Variants in HOOK3 observed in about 807,000 individuals in gnomAD.
HOOK3 encodes the protein hook microtubule tethering protein 3.
HOOK3 carries 24 observed loss-of-function variants against 116.3 expected under a neutral mutation model. That is an observed-to-expected ratio of 0.21 (90% CI 0.15 to 0.29). The LOEUF (loss-of-function observed/expected upper bound fraction) is 0.29. Among genes scored for constraint, HOOK3 ranks in the 10% least tolerant of loss-of-function variants. The pLI is 1.00. For missense variants in HOOK3, 632 were observed against 830.2 expected (o/e 0.76, Z 2.93); for synonymous variants, 275 against 283.0 (o/e 0.97, Z 0.28).
intron 18 of HOOK3, among the ~76,000 whole-genome samples, 186 bp downstream of exon 18, chr8:43,008,115 T>A (rs1484703613): frequency 6.6e-6 from 1 of 152,004 alleles, no homozygotes; most frequent in Non-Finnish European, 1.5e-5. Flanking sequence ...GCCTTTTGGG[T>A]TCTTGCCATT....
intron 13 of HOOK3, among the ~76,000 whole-genome samples, chr8:42,975,237 C>T (rs1362962684): frequency 6.6e-6 from 1 of 152,154 alleles, no homozygotes. Flanking sequence ...CCTGTGTTCC[C>T]TTAAGGAGGA....
At position 42,981,053 on chromosome 8, in the gene HOOK3, AT is replaced by A. The variant is rs35139387; in HGVS notation, c.1322-1558del. Among the ~76,000 whole-genome samples the A allele has an allele frequency of 6.7e-3, 937 of 139,498 alleles. 5 individuals carry two copies. Among genetic ancestry groups the A allele is most frequent in the South Asian group, 9.8e-3 (42 of 4,302 alleles). 91.5% of individuals were successfully genotyped at this position (139,498 alleles called of 152,430 possible). On this transcript the variant is annotated intron_variant, in intron 13 of 21. Transcript: ENST00000307602. ...TCTGCCTCTAGAATTGTAAATAATAATTTTTTTTTTTTTTTTGAGATGAGGT... is the reference window on the plus strand; with the variant it reads ...TCTGCCTCTAGAATTGTAAATAATAATTTTTTTTTTTTTTTGAGATGAGGT...
At chr8:42,920,724 T>G (rs1204571982) in intron 2 of HOOK3, among the ~76,000 whole-genome samples, 3 of 152,212 alleles carry the variant, frequency 2.0e-5, no homozygotes, top group African/African-American at 7.2e-5. Flanking sequence ...CAAAAATGAT[T>G]GTACTGTCAA....
At chr8:42,984,551 A>G (rs1178941175) in intron 14 of HOOK3, among the ~76,000 whole-genome samples, 2 of 152,212 alleles carry the variant, frequency 1.3e-5, no homozygotes, top group Non-Finnish European at 2.9e-5. Flanking sequence ...GTTATGTCCA[A>G]AACAACTCAC....
At chr8:42,930,995 A>G (rs1423280732) in intron 4 of HOOK3, among the ~76,000 whole-genome samples, 2 of 152,224 alleles carry the variant, frequency 1.3e-5, no homozygotes. Flanking sequence ...TGATCACATC[A>G]GTCTCCTCCT....
intron 4 of HOOK3, among the ~76,000 whole-genome samples, chr8:42,930,414 T>A (rs1807851528): frequency 6.6e-6 from 1 of 152,196 alleles, no homozygotes; most frequent in Non-Finnish European, 1.5e-5. Context: ...CAAATTTTAC[T>A]TTATGTCATC....
At position 43,021,672 on chromosome 8, in the gene HOOK3, T is replaced by C; in HGVS notation, c.*3174T>C. The C allele has an allele frequency of 6.5e-6, 1 of 153,358 alleles. No homozygotes were observed. The highest frequency in any genetic ancestry group is 2.1e-4 in the South Asian group (1 of 4,656). 9.5% of individuals were successfully genotyped at this position (153,358 alleles called of 1,614,324 possible). On this transcript the variant is annotated 3_prime_UTR_variant, in exon 22 of 22. Transcript: ENST00000307602. ...TGTTTACATTTATAATTTTCTTTCT[T>C]TTTTTTTTTTTTGTGAGATGATGTC...
At chr8:43,014,158 T>C (rs1324245793) in intron 21 of HOOK3, among the ~76,000 whole-genome samples, 1 of 151,642 alleles carries the variant, frequency 6.6e-6, no homozygotes, top group Non-Finnish European at 1.5e-5. Flanking sequence ...TGGTGGCACA[T>C]GCTTGTAATC....
At chr8:42,988,737 C>A (rs1809096812) in intron 15 of HOOK3, among the ~76,000 whole-genome samples, 1 of 152,184 alleles carries the variant, frequency 6.6e-6, no homozygotes, top group Non-Finnish European at 1.5e-5. Flanking sequence ...TGAGGGAACT[C>A]AGACTCAAGA....
intron 17 of HOOK3, among the ~76,000 whole-genome samples, chr8:43,007,412 C>T (rs1046951596): frequency 2.0e-5 from 3 of 152,148 alleles, no homozygotes; most frequent in Admixed American, 6.6e-5. Flanking sequence ...ACATTGTTAC[C>T]GCTTTGACTT....
intron 15 of HOOK3, among the ~76,000 whole-genome samples, chr8:42,991,344 G>GATAGGGAT (rs1554514813): frequency 6.7e-6 from 1 of 148,600 alleles, no homozygotes; most frequent in Non-Finnish European, 1.5e-5. Context: ...TTGTTATTTT[G>GATAGGGAT]ATAGGGATTG....
chr8:42,967,275 A>G (rs190703030), intron 10 of HOOK3, among the ~76,000 whole-genome samples: 179 of 151,610 alleles, frequency 1.2e-3, no homozygotes, highest in African/African-American at 4.2e-3. Context: ...CCCTCCACAC[A>G]CACCTCCCAT....
At chr8:42,977,709 A>G (rs1388645989) in intron 13 of HOOK3, among the ~76,000 whole-genome samples, 3 of 152,072 alleles carry the variant, frequency 2.0e-5, no homozygotes, top group South Asian at 2.1e-4. Context: ...TCTACTAAAA[A>G]TAGAAAAATT....
intron 1 of HOOK3, among the ~76,000 whole-genome samples, chr8:42,903,504 C>T (rs1208897431): frequency 1.3e-5 from 2 of 150,092 alleles, no homozygotes; most frequent in African/African-American, 4.9e-5. Context: ...GCCACAGCGC[C>T]CGACTAATTT....
chr8:42,950,003 TG>T (rs1808310196), intron 5 of HOOK3, among the ~76,000 whole-genome samples: 1 of 152,170 alleles, frequency 6.6e-6, no homozygotes. Flanking sequence ...AAGTTTTTTT[TG>T]TTTAACTGCA....
rs1809998343 is a variant in HOOK3 at position 43,029,831 on chromosome 8, G to T, written c.*11333G>T. On this transcript the variant is annotated 3_prime_UTR_variant, in exon 22 of 22. Transcript: ENST00000307602. ...TGGAGCTGGAGTTGTATTGAGTACA[G>T]CCCCAACTCTGAAGCCTTATATTCA... is the stretch of plus-strand genomic sequence containing the variant. 4.7e-6 allele frequency: 1 copy of T among 212,588 alleles called. No homozygotes were observed. The highest frequency in any genetic ancestry group is 9.5e-6 in the Non-Finnish European group (1 of 105,180). 13.2% of individuals were successfully genotyped at this position (212,588 alleles called of 1,614,324 possible). A position where few individuals can be genotyped will look rare whatever the true frequency, so the allele number is the denominator to read the frequency against.
chr8:43,023,987 A>G lies in HOOK3; in HGVS notation c.*5489A>G, dbSNP rs544848909. On this transcript the variant is annotated 3_prime_UTR_variant, in exon 22 of 22. Coordinates refer to ENST00000307602, the MANE Select transcript of HOOK3 (RefSeq NM_032410.4). Reference sequence around the variant, plus strand: ...TTAACTCTGCATTTAGTCTCCTATTATCTAGATCTCTGAGTCCAGGATAAC... The same window carrying G: ...TTAACTCTGCATTTAGTCTCCTATTGTCTAGATCTCTGAGTCCAGGATAAC... 68 of 201,098 alleles carry G rather than the reference A, an allele frequency of 3.4e-4. No homozygotes were observed. Among genetic ancestry groups the G allele is most frequent in the Non-Finnish European group, 5.1e-4 (50 of 97,604 alleles). The allele number at this position is 201,098 out of a possible 1,614,324, so 12.5% of individuals were successfully genotyped here.
chr8:42,907,417 T>C (rs1305344908), intron 2 of HOOK3, among the ~76,000 whole-genome samples: 5 of 152,286 alleles, frequency 3.3e-5, no homozygotes, highest in Admixed American at 6.5e-5. Flanking sequence ...TTTTTCCAGA[T>C]ATATAGGCAC....
intron 2 of HOOK3, among the ~76,000 whole-genome samples, chr8:42,920,382 A>G (rs1034496196): frequency 1.3e-5 from 2 of 152,230 alleles, no homozygotes; most frequent in East Asian, 1.9e-4. Context: ...TATGGCTTCA[A>G]AGTTTACCAG....
Sources: gnomAD v4.1 joint callset for allele counts (sites outside exome capture counted in the v4.1 genomes callset) on GRCh38, gnomAD v4.1.1 for gene constraint, MANE v1.5 for transcripts, NCBI Gene and HGNC (gene_info 2026-07-23, HGNC 2026-07-21) for gene names.